The following GMDS variants were observed in gnomAD, a reference collection of about 807,000 sequenced individuals.
GMDS encodes GDP-mannose 4,6 dehydratase.
A neutral mutation model predicts 49.9 loss-of-function variants in GMDS; 20 were observed. That is an observed-to-expected ratio of 0.40 (90% CI 0.28 to 0.58). GMDS has a LOEUF of 0.58. Among genes scored for constraint, GMDS ranks in the 20% least tolerant of loss-of-function variants. The probability of loss-of-function intolerance (pLI) is 0.42; values close to 1 mark genes in which losing one functional copy is unlikely to be tolerated. For missense variants in GMDS, 362 were observed against 481.4 expected (o/e 0.75, Z 2.32); for synonymous variants, 177 against 178.6 (o/e 0.99, Z 0.07).
At chr6:2,083,792 T>C (rs1048345986) in intron 4 of GMDS, among the ~76,000 whole-genome samples, 9 of 152,236 alleles carry the variant, frequency 5.9e-5, no homozygotes, top group African/African-American at 2.2e-4. Context: ...GGTATATTTA[T>C]CATTTGCTAT....
chr6:1,760,011 G>A (rs1332303385), intron 7 of GMDS, among the ~76,000 whole-genome samples: 1 of 152,006 alleles, frequency 6.6e-6, no homozygotes, highest in Non-Finnish European at 1.5e-5. Flanking sequence ...AGAAACAGCA[G>A]GAAAGGGCTG....
chr6:1,982,291 A>G (rs1305599629), intron 4 of GMDS, among the ~76,000 whole-genome samples: 2 of 152,208 alleles, frequency 1.3e-5, no homozygotes, highest in Non-Finnish European at 1.5e-5. Flanking sequence ...TGAATGAGCA[A>G]AAGCTGGAAG....
At chr6:1,671,229 T>C (rs976657251) in intron 9 of GMDS, among the ~76,000 whole-genome samples, 2 of 152,224 alleles carry the variant, frequency 1.3e-5, no homozygotes, top group Non-Finnish European at 2.9e-5. Flanking sequence ...CTTCAGAGTC[T>C]GGTGGCGGCT....
intron 9 of GMDS, among the ~76,000 whole-genome samples, chr6:1,680,797 A>T (rs1461482243): frequency 6.6e-6 from 1 of 152,204 alleles, no homozygotes; most frequent in African/African-American, 2.4e-5. Flanking sequence ...GGGTCTTCTT[A>T]TAATAGGGCC....
rs537277161 is a variant in GMDS, at chr6:1,720,231, G to T, written c.987+6185C>A. 4.6e-5 allele frequency among the ~76,000 whole-genome samples: 7 copies of T among 152,230 alleles called. No individual in the cohort carries two copies. In the South Asian group the frequency reaches 1.2e-3, roughly 27 times the overall value. ...CATTAGATATGAAATGCTCTTGAGG[G>T]GGGAGAGCAACCGAGGAAAGAACCC... On this transcript the variant is annotated intron_variant, in intron 9 of 10. Coordinates refer to ENST00000380815, the MANE Select transcript of GMDS (RefSeq NM_001500.4).
chr6:2,226,173 A>C (rs1454747673), intron 1 of GMDS, among the ~76,000 whole-genome samples: 1 of 152,216 alleles, frequency 6.6e-6, no homozygotes, highest in Non-Finnish European at 1.5e-5. Context: ...TCTCTTCTGG[A>C]CACTCACCAA....
intron 4 of GMDS, among the ~76,000 whole-genome samples, chr6:2,024,323 A>G (rs964932766): frequency 6.6e-6 from 1 of 152,188 alleles, no homozygotes; most frequent in Admixed American, 6.6e-5. Flanking sequence ...AAGAAGGAAG[A>G]TGAACTCACA....
At chr6:1,883,198 C>T (rs1234783043) in intron 7 of GMDS, among the ~76,000 whole-genome samples, 1 of 152,094 alleles carries the variant, frequency 6.6e-6, no homozygotes, top group African/African-American at 2.4e-5. Flanking sequence ...CCAGACCATC[C>T]TGGCCAACTT....
chr6:1,969,169 G>C (rs916137724), intron 4 of GMDS, among the ~76,000 whole-genome samples: 3 of 143,676 alleles, frequency 2.1e-5, no homozygotes, highest in Admixed American at 7.1e-5. Flanking sequence ...GGCTGAGGCA[G>C]GAGAATGGTG....
intron 1 of GMDS, among the ~76,000 whole-genome samples, chr6:2,180,515 TC>T (rs1778472972): frequency 6.6e-6 from 1 of 152,204 alleles, no homozygotes; most frequent in African/African-American, 2.4e-5. Context: ...ATTGAATTTT[TC>T]CCTTTTTCCT....
intron 7 of GMDS, among the ~76,000 whole-genome samples, chr6:1,913,374 C>G (rs1467972485): frequency 8.1e-6 from 1 of 123,884 alleles, no homozygotes; most frequent in Non-Finnish European, 1.6e-5. Flanking sequence ...GAGCGAGACT[C>G]CGTCTCAAAC....
chr6:1,904,135 C>T (rs764049542), intron 7 of GMDS, among the ~76,000 whole-genome samples: 27 of 152,236 alleles, frequency 1.8e-4, no homozygotes, highest in Non-Finnish European at 3.4e-4. Flanking sequence ...ACGGGACAAG[C>T]GGTTCAGAAG....
chr6:1,967,352 G>A (rs1029309775), intron 4 of GMDS, among the ~76,000 whole-genome samples: 4 of 152,310 alleles, frequency 2.6e-5, no homozygotes, highest in African/African-American at 9.6e-5. Context: ...CTGAGTGAAT[G>A]AAGACAGTGA....
chr6:2,233,854 T>A lies in GMDS; in HGVS notation c.102+11467A>T, dbSNP rs148160118. Among the ~76,000 whole-genome samples the A allele has an allele frequency of 1.8e-3, 275 of 152,304 alleles. 1 individual carries two copies. Among genetic ancestry groups the A allele is most frequent in the Non-Finnish European group, 3.0e-3 (206 of 68,024 alleles). On this transcript the variant is annotated intron_variant, in intron 1 of 10. Coordinates refer to ENST00000380815, the MANE Select transcript of GMDS (RefSeq NM_001500.4). ...AACAAAAACAAAAACAGGAGGCAGC[T>A]GGACTTGGTCCAGGGGATACAGTTT... is the stretch of plus-strand genomic sequence containing the variant.
At chr6:1,650,079 G>T (rs918998890) in intron 9 of GMDS, among the ~76,000 whole-genome samples, 2 of 152,190 alleles carry the variant, frequency 1.3e-5, no homozygotes, top group Non-Finnish European at 2.9e-5. Context: ...CTGTAAAGTG[G>T]CAATGCTGGC....
intron 9 of GMDS, among the ~76,000 whole-genome samples, chr6:1,668,494 G>GA (rs1764304591): frequency 1.3e-5 from 2 of 152,172 alleles, no homozygotes; most frequent in South Asian, 2.1e-4. Context: ...CGGATCACCT[G>GA]AGGTCAGAAG....
intron 4 of GMDS, among the ~76,000 whole-genome samples, chr6:1,986,069 C>G (rs1765526876): frequency 1.3e-5 from 2 of 152,166 alleles, no homozygotes; most frequent in African/African-American, 4.8e-5. Flanking sequence ...AGTGAGGGAC[C>G]ATAATTTTAA....
At chr6:1,933,593 C>A (rs148410126) in intron 6 of GMDS, among the ~76,000 whole-genome samples, 2 of 152,178 alleles carry the variant, frequency 1.3e-5, no homozygotes, top group African/African-American at 4.8e-5. Flanking sequence ...ATTGTGGTTC[C>A]GATGTGTCCT....
intron 1 of GMDS, among the ~76,000 whole-genome samples, chr6:2,179,724 A>C (rs1485566334): frequency 1.3e-5 from 2 of 152,226 alleles, no homozygotes; most frequent in African/African-American, 4.8e-5. Context: ...AGATACTGCC[A>C]AAGTATGTAA....
Sources: allele counts gnomAD v4.1 joint callset (sites outside exome capture counted in the v4.1 genomes callset), GRCh38; gene constraint gnomAD v4.1.1; transcripts MANE v1.5; gene names NCBI Gene and HGNC (gene_info 2026-07-23, HGNC 2026-07-21).